PACRG: variants seen among roughly 807,000 people sequenced by gnomAD.
The protein encoded by PACRG is parkin coregulated gene protein.
In PACRG, 29 loss-of-function variants were observed where a neutral mutation model predicts 29.7. The ratio of observed to expected loss-of-function variants is 0.98; its 90% CI spans 0.73 to 1.33. The LOEUF (loss-of-function observed/expected upper bound fraction) is 1.33, where lower values mean the gene tolerates loss of function less well. PACRG is among the 40% of genes most tolerant of loss of function. The pLI, the probability that PACRG is intolerant of heterozygous loss-of-function variation, is 0.00. For synonymous variants in PACRG, 116 were observed against 118.7 expected (o/e 0.98, Z 0.15); for missense variants, 279 against 316.2 (o/e 0.88, Z 0.89).
At chr6:163,226,941 G>A (rs570321373) in intron 4 of PACRG, among the ~76,000 whole-genome samples, 78 of 152,282 alleles carry the variant, frequency 5.1e-4, no homozygotes, top group Non-Finnish European at 7.4e-5. Flanking sequence ...TGATGAGTAG[G>A]ATTTCACACT....
chr6:162,885,661 AC>A (rs1794272666), intron 2 of PACRG, among the ~76,000 whole-genome samples: 1 of 152,108 alleles, frequency 6.6e-6, no homozygotes, highest in Middle Eastern at 3.2e-3. Context: ...TTGGGAACCA[AC>A]CCTGTATTTC....
intron 4 of PACRG, among the ~76,000 whole-genome samples, chr6:163,109,224 A>G (rs917748220): frequency 3.3e-5 from 5 of 152,216 alleles, no homozygotes; most frequent in Non-Finnish European, 5.9e-5. Context: ...TCTTTCAATA[A>G]TTTATTTCCC....
At chr6:163,062,114 G>A (rs750931447) in intron 2 of PACRG, 36 bp from the exon 3 acceptor site, 34 of 1,608,036 alleles carry the variant, frequency 2.1e-5, no homozygotes, top group Non-Finnish European at 1.7e-5. Context: ...CCCGAATGCT[G>A]TTTTCACATG....
intron 4 of PACRG, among the ~76,000 whole-genome samples, chr6:163,270,282 A>T (rs978615380): frequency 1.3e-5 from 2 of 152,258 alleles, no homozygotes; most frequent in African/African-American, 2.4e-5. Context: ...AAATATTTTT[A>T]AAATTATTAG....
intron 2 of PACRG, among the ~76,000 whole-genome samples, chr6:162,969,608 G>A (rs1421663336): frequency 6.6e-6 from 1 of 152,010 alleles, no homozygotes; most frequent in Admixed American, 6.5e-5. Context: ...CCTGGCCCCT[G>A]TCTGCCCCTT....
intron 4 of PACRG, among the ~76,000 whole-genome samples, chr6:163,219,276 A>T (rs754852525): frequency 6.6e-6 from 1 of 152,276 alleles, no homozygotes; most frequent in Non-Finnish European, 1.5e-5. Context: ...CCTAAAAGTC[A>T]ATCTTTATTC....
intron 4 of PACRG, among the ~76,000 whole-genome samples, chr6:163,239,950 C>CA (rs147085289): frequency 0.069 from 9,305 of 134,760 alleles, 768 homozygotes; most frequent in East Asian, 0.18. Flanking sequence ...CCCACCCCCC[C>CA]CACACACTCA....
At chr6:162,750,334 A>G (rs750577685) in intron 1 of PACRG, among the ~76,000 whole-genome samples, 17 of 152,196 alleles carry the variant, frequency 1.1e-4, no homozygotes, top group Non-Finnish European at 2.5e-4. Flanking sequence ...ATGAACCAAT[A>G]AAAGTTTTTA....
rs144998367 is a variant in PACRG at position 162,996,542 on chromosome 6, T to C, written c.292-65608T>C. 1.1e-3 allele frequency among the ~76,000 whole-genome samples: 164 copies of C among 152,138 alleles called. 2 individuals are homozygous for C. Among genetic ancestry groups the C allele is most frequent in the Admixed American group, 7.7e-3 (117 of 15,292 alleles). On this transcript the variant is annotated intron_variant, in intron 2 of 4. Coordinates refer to ENST00000366888, the MANE Select transcript of PACRG (RefSeq NM_001080379.2). Reference sequence around the variant, plus strand: ...AGAAAAATGAAACATTCCACCAAACTAGGGGAATGGCTAATTAAATTATGA... The same window carrying C: ...AGAAAAATGAAACATTCCACCAAACCAGGGGAATGGCTAATTAAATTATGA...
intron 4 of PACRG, among the ~76,000 whole-genome samples, chr6:163,269,169 G>T (rs768188179): frequency 6.1e-4 from 93 of 152,292 alleles, no homozygotes; most frequent in Non-Finnish European, 1.1e-3. Context: ...GGAACAAATG[G>T]AGGCACACAT....
intron 4 of PACRG, among the ~76,000 whole-genome samples, chr6:163,121,710 A>G (rs1014032947): frequency 6.7e-5 from 10 of 149,010 alleles, no homozygotes; most frequent in African/African-American, 9.9e-5. Flanking sequence ...CTGTCACCCA[A>G]GCTGGAGTGC....
chr6:162,813,178 AAT>A (rs1787030605), intron 1 of PACRG, among the ~76,000 whole-genome samples: 1 of 151,948 alleles, frequency 6.6e-6, no homozygotes, highest in African/African-American at 2.4e-5. Flanking sequence ...TTTTAACAAA[AAT>A]ATTACAAATT....
At chr6:163,230,761 A>C (rs1042713735) in intron 4 of PACRG, among the ~76,000 whole-genome samples, 1 of 152,230 alleles carries the variant, frequency 6.6e-6, no homozygotes, top group Non-Finnish European at 1.5e-5. Context: ...TGTAATGCCG[A>C]ACTGCTGTAG....
intron 2 of PACRG, among the ~76,000 whole-genome samples, chr6:163,040,258 A>T (rs1232676862): frequency 6.6e-6 from 1 of 152,244 alleles, no homozygotes; most frequent in Non-Finnish European, 1.5e-5. Context: ...TGCACAGAAG[A>T]CAAGAGTTGA....
intron 2 of PACRG, among the ~76,000 whole-genome samples, chr6:162,869,587 G>A (rs1562681485): frequency 6.6e-6 from 1 of 152,068 alleles, no homozygotes; most frequent in Non-Finnish European, 1.5e-5. Flanking sequence ...GGTTATGGGG[G>A]CCCTTTTGTT....
intron 4 of PACRG, among the ~76,000 whole-genome samples, chr6:163,224,976 A>T (rs2128160565): frequency 6.6e-6 from 1 of 152,354 alleles, no homozygotes; most frequent in South Asian, 2.1e-4. Flanking sequence ...AAAATATATA[A>T]GGAACTCAAA....
chr6:162,755,209 T>C (rs562787236), intron 1 of PACRG, among the ~76,000 whole-genome samples: 2 of 152,162 alleles, frequency 1.3e-5, no homozygotes, highest in East Asian at 3.9e-4. Flanking sequence ...TAACTAAGGG[T>C]TTGTCAATTT....
chr6:162,798,951 G>A (rs927578823), intron 1 of PACRG, among the ~76,000 whole-genome samples: 13 of 152,246 alleles, frequency 8.5e-5, no homozygotes, highest in African/African-American at 3.1e-4. Flanking sequence ...GTAATCGTAT[G>A]CATGCATCAA....
chr6:163,064,457 C>A (rs924681324), intron 3 of PACRG, among the ~76,000 whole-genome samples: 2 of 152,198 alleles, frequency 1.3e-5, no homozygotes, highest in Non-Finnish European at 2.9e-5. Context: ...GTTCCGGAAG[C>A]AATGACAATT....
Sources: allele counts gnomAD v4.1 joint callset (sites outside exome capture counted in the v4.1 genomes callset), GRCh38; gene constraint gnomAD v4.1.1; transcripts MANE v1.5; gene names NCBI Gene and HGNC (gene_info 2026-07-23, HGNC 2026-07-21).